Variants in AGXT2 observed in about 807,000 individuals in gnomAD.
AGXT2 encodes the protein alanine--glyoxylate aminotransferase 2.
Under a neutral mutation model 62.5 loss-of-function variants are expected in AGXT2, and 61 were observed. The ratio of observed to expected loss-of-function variants is 0.98; its 90% CI spans 0.79 to 1.21. AGXT2 has a LOEUF of 1.21. AGXT2 is among the 50% of genes most tolerant of loss of function. AGXT2 has a pLI of 0.00. For missense variants in AGXT2, 666 were observed against 641.5 expected, an observed-to-expected ratio of 1.04 and a Z score of -0.41; for synonymous variants, 243 against 218.7, an observed-to-expected ratio of 1.11 and a Z score of -0.98.
intron 7 of AGXT2, chr5:35,026,830 A>G (rs1767371674): frequency 1.0e-6 from 1 of 984,568 alleles, no homozygotes; most frequent in African/African-American, 1.7e-5. Context: ...TGTTTCACCT[A>G]AGGATGCCCG....
Position 35,026,396 on chromosome 5 carries a change from G to A in AGXT2, c.870+14C>T, listed in dbSNP as rs756531820. ...AGATTCAGCTCCATTAATGTCTAAG[G>A]TTCATATACCCACTTGAATAGGTTC... On this transcript the variant is annotated intron_variant, in intron 8 of 13. Coordinates refer to ENST00000231420, the MANE Select transcript of AGXT2 (RefSeq NM_031900.4). 3.1e-6 allele frequency: 5 copies of A among 1,603,222 alleles called. No homozygotes were observed. Among genetic ancestry groups the A allele is most frequent in the Non-Finnish European group, 4.3e-6 (5 of 1,170,202 alleles).
rs370116434 is a variant in AGXT2 at position 35,014,043 on chromosome 5, G to T, written c.1040C>A (p.Thr347Asn). ...GCCATTCCCAATCCCTTTAGCCATG[G>T]TGACAATGTCAGGCAGGACATCGTG... Reference protein sequence around the residue: ...QTHDVLPDIVTMAKGIGNGFP... With the variant: ...QTHDVLPDIVNMAKGIGNGFP... Residue 347 changes from threonine (T) to asparagine (N), a missense_variant, in exon 10 of 14, where the codon ACC becomes AAC. Coordinates refer to ENST00000231420, the MANE Select transcript of AGXT2 (RefSeq NM_031900.4). 8.1e-6 allele frequency: 13 copies of T among 1,614,024 alleles called. No homozygotes were observed. The African/African-American group carries it at 1.1e-4, about 13-fold the overall frequency.
At chr5:35,024,976 G>C (rs764945121) in intron 9 of AGXT2, among the ~76,000 whole-genome samples, 5 of 151,998 alleles carry the variant, frequency 3.3e-5, no homozygotes, top group Non-Finnish European at 7.4e-5. Context: ...GTCTCAAAAA[G>C]AAACAAACAA....
intron 1 of AGXT2, among the ~76,000 whole-genome samples, chr5:35,046,442 G>A (rs550042395): frequency 6.6e-6 from 1 of 152,320 alleles, no homozygotes; most frequent in African/African-American, 2.4e-5. Flanking sequence ...GGGGAGGATA[G>A]ACAGGGCCTG....
At chr5:35,004,889 G>T (rs1054008002) in intron 12 of AGXT2, among the ~76,000 whole-genome samples, 4 of 152,140 alleles carry the variant, frequency 2.6e-5, no homozygotes, top group Non-Finnish European at 4.4e-5. Flanking sequence ...TTCTTGTAAG[G>T]TGTCATTGTC....
At chr5:35,017,951 T>A (rs1766913533) in intron 9 of AGXT2, among the ~76,000 whole-genome samples, 1 of 151,928 alleles carries the variant, frequency 6.6e-6, no homozygotes, top group Admixed American at 6.6e-5. Flanking sequence ...GCTGATGAGA[T>A]CAACTGGAAG....
At chr5:35,027,828 T>A (rs1349239416) in intron 7 of AGXT2, among the ~76,000 whole-genome samples, 2 of 149,728 alleles carry the variant, frequency 1.3e-5, no homozygotes, top group Non-Finnish European at 3.0e-5. Context: ...GCGTTCACAA[T>A]GCAAAGCCTT....
intron 5 of AGXT2, among the ~76,000 whole-genome samples, chr5:35,034,160 T>G (rs1767681884): frequency 1.3e-5 from 2 of 152,258 alleles, no homozygotes; most frequent in Non-Finnish European, 2.9e-5. Flanking sequence ...AGAATGGTTG[T>G]ATTAGGTTGG....
chr5:35,040,995 G>A (rs1259366647), intron 1 of AGXT2, among the ~76,000 whole-genome samples: 4 of 151,980 alleles, frequency 2.6e-5, no homozygotes, highest in African/African-American at 7.3e-5. Context: ...AGTGCAATGC[G>A]TTGTTGGAGT....
chr5:35,030,900 T>A (rs1043647234), intron 7 of AGXT2, among the ~76,000 whole-genome samples: 3 of 152,218 alleles, frequency 2.0e-5, no homozygotes, highest in African/African-American at 7.2e-5. Flanking sequence ...TATGGTCTGT[T>A]TTTCTCTACA....
In AGXT2 at chr5:35,025,776, C is replaced by T; in HGVS notation, c.950G>A (p.Cys317Tyr). The change falls in exon 9 of 14, where the codon TGC becomes TAC. Residue 317 changes from cysteine (C) to tyrosine (Y), a missense_variant. By Grantham distance (194) the Cys-to-Tyr change is radical. Transcript: ENST00000231420. ...FELVRARGGV[C>Y]IADEVQTGFG... ...CATGCCACTTACTTCATCTGCAATG[C>T]ACACGCCTCCCCTTGCTCGCACCAG... 6.2e-7 allele frequency: 1 copy of T among 1,614,132 alleles called. No individual in the cohort carries two copies. Among genetic ancestry groups the T allele is most frequent in the Non-Finnish European group, 8.5e-7 (1 of 1,179,990 alleles).
chr5:35,005,812 A>G (rs1052099546), intron 12 of AGXT2, among the ~76,000 whole-genome samples: 14 of 152,052 alleles, frequency 9.2e-5, no homozygotes, highest in Admixed American at 3.3e-4. Context: ...TGAATGTATA[A>G]TGGACCATCG....
intron 13 of AGXT2, among the ~76,000 whole-genome samples, chr5:35,002,780 G>A (rs79929611): frequency 2.6e-5 from 4 of 151,808 alleles, no homozygotes; most frequent in Non-Finnish European, 5.9e-5. Flanking sequence ...GCAGGCTGGG[G>A]GGGGGGACTA....
intron 12 of AGXT2, among the ~76,000 whole-genome samples, chr5:35,004,679 A>C (rs1766357396): frequency 6.6e-6 from 1 of 152,238 alleles, no homozygotes; most frequent in African/African-American, 2.4e-5. Flanking sequence ...GAATATTGGA[A>C]GCAGGGCTTA....
chr5:35,026,349 G>A (rs1307070299), intron 8 of AGXT2, 61 bp downstream of exon 8: 1 of 1,382,832 alleles, frequency 7.2e-7, no homozygotes, highest in East Asian at 2.3e-5. Flanking sequence ...GAATATATGA[G>A]TTAAAACTTT....
rs554002579 is a variant in AGXT2, at chr5:35,008,951, G to C, written c.1338+1049C>G. Among the ~76,000 whole-genome samples the C allele has an allele frequency of 2.3e-4, 35 of 152,266 alleles. No individual in the cohort carries two copies. The South Asian group carries it at 7.1e-3, about 31-fold the overall frequency. On this transcript the variant is annotated intron_variant, in intron 12 of 13. Transcript: ENST00000231420. ...AATTTCCTACAGGCATTTACTATAG[G>C]GGCTGCAGTAGAAACAAAGGGAAAG...
intron 7 of AGXT2, among the ~76,000 whole-genome samples, chr5:35,027,313 A>G (rs1221157032): frequency 2.6e-5 from 4 of 151,954 alleles, no homozygotes; most frequent in Admixed American, 6.6e-5. Flanking sequence ...TTCTTTTTGG[A>G]GATCTTTCTA....
chr5:35,031,918 T>G (rs1767569777), intron 7 of AGXT2, among the ~76,000 whole-genome samples: 1 of 150,530 alleles, frequency 6.6e-6, no homozygotes, highest in Non-Finnish European at 1.5e-5. Context: ...TTGTTTAGTT[T>G]TTTCATTTTA....
chr5:35,046,465 C>T (rs186042881), intron 1 of AGXT2, among the ~76,000 whole-genome samples: 4 of 152,272 alleles, frequency 2.6e-5, no homozygotes, highest in Admixed American at 2.0e-4. Flanking sequence ...AGAATCTCTT[C>T]GAGTTCGGAG....
Sources: allele counts gnomAD v4.1 joint callset (sites outside exome capture counted in the v4.1 genomes callset), GRCh38; gene constraint gnomAD v4.1.1; transcripts MANE v1.5; gene names NCBI Gene and HGNC (gene_info 2026-07-23, HGNC 2026-07-21).